The following LRP1B variants were observed in gnomAD, a reference collection of about 807,000 sequenced individuals.
LRP1B encodes the protein low-density lipoprotein receptor-related protein 1B.
A neutral mutation model predicts 556.6 loss-of-function variants in LRP1B; 217 were observed. That is an observed-to-expected ratio of 0.39 (90% CI 0.35 to 0.44). The LOEUF is 0.44. Ranked by LOEUF, LRP1B falls within the 20% of genes least tolerant of loss-of-function variation. LRP1B has a pLI of 1.00. For missense variants in LRP1B, 5,053 were observed against 5,620.8 expected (o/e 0.90, Z 3.23); for synonymous variants, 2,047 against 1,865.8 (o/e 1.10, Z -2.50).
chr2:140,554,481 A>T (rs1680655961), intron 43 of LRP1B, among the ~76,000 whole-genome samples: 1 of 152,030 alleles, frequency 6.6e-6, no homozygotes, highest in Non-Finnish European at 1.5e-5. Context: ...TCTACTTTGA[A>T]TTCCTTTCAG....
intron 7 of LRP1B, among the ~76,000 whole-genome samples, chr2:141,093,259 C>G (rs1335429924): frequency 2.6e-5 from 4 of 151,968 alleles, no homozygotes; most frequent in Non-Finnish European, 5.9e-5. Flanking sequence ...GGAATGAAAG[C>G]AAAATATTTT....
At chr2:141,708,713 T>C (rs75175093) in intron 2 of LRP1B, among the ~76,000 whole-genome samples, 1,983 of 152,158 alleles carry the variant, frequency 0.013, 117 homozygotes, top group Admixed American at 0.099. Context: ...TTGTTGGACA[T>C]AGGGTCTTTA....
chr2:141,895,523 T>C (rs913842640), intron 1 of LRP1B, among the ~76,000 whole-genome samples: 1 of 152,234 alleles, frequency 6.6e-6, no homozygotes, highest in Non-Finnish European at 1.5e-5. Context: ...ATTCACAATG[T>C]GTTCCTGAAT....
rs748102231 is a variant in LRP1B at position 140,517,031 on chromosome 2, G to A, written c.8027-20C>T. On this transcript the variant is annotated intron_variant, in intron 49 of 90. Coordinates refer to ENST00000389484, the MANE Select transcript of LRP1B (RefSeq NM_018557.3). The stretch of plus-strand genomic sequence containing the variant: ...TTTGAACTGTGATAAAATATGGAAT[G>A]TCAAACAATTTCATTTTAGACTTCT... The A allele has an allele frequency of 3.9e-6, 6 of 1,532,692 alleles. No homozygotes were observed. Among genetic ancestry groups the A allele is most frequent in the Non-Finnish European group, 5.4e-6 (6 of 1,107,122 alleles). The allele number at this position is 1,532,692 out of a possible 1,614,324, so 94.9% of individuals were successfully genotyped here. A position where few individuals can be genotyped will look rare whatever the true frequency, so the allele number is the denominator to read the frequency against.
Position 140,275,490 on chromosome 2 carries a change from T to C in LRP1B, c.12968-892A>G, listed in dbSNP as rs563282006. Among the ~76,000 whole-genome samples, 5 of 152,106 alleles carry C rather than the reference T, an allele frequency of 3.3e-5. No homozygotes were observed. The South Asian group carries it at 1.0e-3, about 32-fold the overall frequency. On this transcript the variant is annotated intron_variant, in intron 84 of 90. Coordinates refer to ENST00000389484, the MANE Select transcript of LRP1B (RefSeq NM_018557.3). Reference sequence around the variant, plus strand: ...GTAGTCAAAGTGGCAGTCAGCCACATGTGGTGAGCAGAGGACTCATACCCC... The same window carrying C: ...GTAGTCAAAGTGGCAGTCAGCCACACGTGGTGAGCAGAGGACTCATACCCC...
chr2:141,063,588 C>T (rs1022142576), intron 7 of LRP1B, among the ~76,000 whole-genome samples: 2 of 151,784 alleles, frequency 1.3e-5, no homozygotes, highest in Admixed American at 6.6e-5. Flanking sequence ...TCATGCTAAA[C>T]GATCAAATCA....
chr2:140,734,699 C>G (rs1188619136), intron 35 of LRP1B, among the ~76,000 whole-genome samples: 3 of 151,940 alleles, frequency 2.0e-5, no homozygotes, highest in Non-Finnish European at 4.4e-5. Flanking sequence ...TGTTCTGAAT[C>G]TATCTTCACA....
intron 66 of LRP1B, among the ~76,000 whole-genome samples, chr2:140,435,456 T>G (rs1384596405): frequency 6.6e-6 from 1 of 152,152 alleles, no homozygotes; most frequent in Non-Finnish European, 1.5e-5. Flanking sequence ...TGCATCAATT[T>G]AGATTTCTAA....
At chr2:140,593,125 G>A (rs1682295725) in intron 43 of LRP1B, among the ~76,000 whole-genome samples, 1 of 151,966 alleles carries the variant, frequency 6.6e-6, no homozygotes, top group Non-Finnish European at 1.5e-5. Flanking sequence ...GTTTATTTAG[G>A]GGTCAAGTTA....
chr2:141,081,837 T>C (rs986417376), intron 7 of LRP1B, among the ~76,000 whole-genome samples: 23 of 152,340 alleles, frequency 1.5e-4, no homozygotes, highest in African/African-American at 5.3e-4. Flanking sequence ...CGTCCAACTC[T>C]GTGCCACCAA....
At chr2:142,082,111 G>A (rs1705741032) in intron 1 of LRP1B, among the ~76,000 whole-genome samples, 1 of 152,110 alleles carries the variant, frequency 6.6e-6, no homozygotes, top group South Asian at 2.1e-4. Context: ...GAAGTATAAA[G>A]TCTGAAAGTT....
At chr2:140,885,938 A>G (rs1231708554) in intron 24 of LRP1B, among the ~76,000 whole-genome samples, 200 bp downstream of exon 24, 2 of 151,908 alleles carry the variant, frequency 1.3e-5, no homozygotes, top group East Asian at 3.9e-4. Context: ...AAATGGTGTG[A>G]ACAGCACGAG....
At chr2:141,962,615 G>A (rs1249585274) in intron 1 of LRP1B, among the ~76,000 whole-genome samples, 5 of 151,756 alleles carry the variant, frequency 3.3e-5, no homozygotes, top group Admixed American at 6.6e-5. Flanking sequence ...GGATTCAAAA[G>A]TATGATAGAA....
intron 1 of LRP1B, among the ~76,000 whole-genome samples, chr2:142,122,727 T>C (rs1707500415): frequency 6.6e-6 from 1 of 152,032 alleles, no homozygotes; most frequent in Admixed American, 6.6e-5. Context: ...AGAATCTCAC[T>C]CACGAGGTGG....
At chr2:141,389,932 G>T (rs999257082) in intron 3 of LRP1B, among the ~76,000 whole-genome samples, 1 of 152,146 alleles carries the variant, frequency 6.6e-6, no homozygotes, top group African/African-American at 2.4e-5. Context: ...CAGAGGTCGG[G>T]AGTTTGAGAC....
intron 3 of LRP1B, among the ~76,000 whole-genome samples, chr2:141,386,132 TA>T (rs1271812979): frequency 6.6e-6 from 1 of 152,118 alleles, no homozygotes; most frequent in African/African-American, 2.4e-5. Context: ...AAATATTGTA[TA>T]AAAATACTTT....
intron 2 of LRP1B, among the ~76,000 whole-genome samples, chr2:141,684,100 T>G (rs1338324151): frequency 6.6e-6 from 1 of 152,102 alleles, no homozygotes; most frequent in African/African-American, 2.4e-5. Flanking sequence ...ATCCCATTAC[T>G]GGGTATATAC....
At chr2:140,586,966 A>C (rs1553491876) in intron 43 of LRP1B, among the ~76,000 whole-genome samples, 3 of 152,158 alleles carry the variant, frequency 2.0e-5, no homozygotes, top group African/African-American at 7.2e-5. Flanking sequence ...TTTTAAAAAT[A>C]AAGGCTTTAG....
chr2:140,271,148 TTAAA>T (rs1348689266), intron 85 of LRP1B, among the ~76,000 whole-genome samples: 6 of 150,520 alleles, frequency 4.0e-5, no homozygotes, highest in South Asian at 2.1e-4. Context: ...TTACATTTTT[TTAAA>T]TAAACAAATA....
Sources: allele counts gnomAD v4.1 joint callset (sites outside exome capture counted in the v4.1 genomes callset), GRCh38; gene constraint gnomAD v4.1.1; transcripts MANE v1.5; gene names NCBI Gene and HGNC (gene_info 2026-07-23, HGNC 2026-07-21).